PLEKHH2: variants seen among roughly 807,000 people sequenced by gnomAD.
The protein encoded by PLEKHH2 is pleckstrin homology domain-containing family H member 2.
In PLEKHH2, 129 loss-of-function variants were observed where a neutral mutation model predicts 187.9. That is an observed-to-expected ratio of 0.69 (90% confidence interval 0.59 to 0.79). PLEKHH2 has a LOEUF of 0.79. Ranked by LOEUF, PLEKHH2 falls within the 30% of genes least tolerant of loss-of-function variation. The probability of loss-of-function intolerance (pLI) is 0.00; values close to 1 mark genes in which losing one functional copy is unlikely to be tolerated. For missense variants in PLEKHH2, 2,076 were observed against 1,751.2 expected, an observed-to-expected ratio of 1.19 and a Z score of -3.31; for synonymous variants, 686 against 605.6, an observed-to-expected ratio of 1.13 and a Z score of -1.95.
chr2:43,710,168 T>A (rs765685662), intron 12 of PLEKHH2, 42 bp downstream of exon 12: 4 of 1,611,342 alleles, frequency 2.5e-6, no homozygotes, highest in Non-Finnish European at 1.7e-6. Flanking sequence ...TCAGTCAGAT[T>A]GAGCCTCCAA....
chr2:43,747,691 T>C (rs1458689531), intron 24 of PLEKHH2, among the ~76,000 whole-genome samples: 1 of 152,162 alleles, frequency 6.6e-6, no homozygotes, highest in Non-Finnish European at 1.5e-5. Context: ...TATAACAAAA[T>C]AATGGTATTT....
At chr2:43,675,441 C>T (rs1667699060) in intron 2 of PLEKHH2, 1 of 1,611,828 alleles carries the variant, frequency 6.2e-7, no homozygotes, top group African/African-American at 1.3e-5. Context: ...GTCCAAATGC[C>T]CTGAGCCGGT....
chr2:43,704,091 C>G (rs1243859208), intron 9 of PLEKHH2, 35 bp downstream of exon 9: 1 of 1,423,998 alleles, frequency 7.0e-7, no homozygotes. Context: ...CTGGATGAAC[C>G]TTGAGGACTT....
chr2:43,679,103 T>G (rs1051051142), intron 3 of PLEKHH2, among the ~76,000 whole-genome samples, 178 bp downstream of exon 3: 1 of 152,136 alleles, frequency 6.6e-6, no homozygotes, highest in Non-Finnish European at 1.5e-5. Context: ...TAACAAATTT[T>G]CAAAAGGAAA....
At chr2:43,659,670 T>C (rs1203753874) in intron 2 of PLEKHH2, among the ~76,000 whole-genome samples, 1 of 151,912 alleles carries the variant, frequency 6.6e-6, no homozygotes, top group Non-Finnish European at 1.5e-5. Flanking sequence ...GTGATTCTCC[T>C]GCTTTAGCCT....
At chr2:43,674,975 A>T (rs1572527164) in intron 2 of PLEKHH2, among the ~76,000 whole-genome samples, 1 of 145,206 alleles carries the variant, frequency 6.9e-6, no homozygotes, top group Admixed American at 7.0e-5. Flanking sequence ...ACAAAGCAAG[A>T]CTCCATTTCA....
intron 24 of PLEKHH2, among the ~76,000 whole-genome samples, chr2:43,747,481 T>C (rs967639777): frequency 6.6e-6 from 1 of 152,224 alleles, no homozygotes; most frequent in African/African-American, 2.4e-5. Context: ...AGATGGAGGC[T>C]GCTTAGCTTG....
chr2:43,711,835 A>G (rs1440547978), intron 14 of PLEKHH2: 2 of 612,934 alleles, frequency 3.3e-6, no homozygotes, highest in Admixed American at 6.0e-5. Context: ...CGGAGCTTGC[A>G]GTGAGCCAAG....
At chr2:43,691,605 C>T (rs1461338538) in intron 3 of PLEKHH2, among the ~76,000 whole-genome samples, 2 of 152,210 alleles carry the variant, frequency 1.3e-5, no homozygotes, top group Non-Finnish European at 2.9e-5. Context: ...TCACCAGGGA[C>T]CTGCCCCATC....
Position 43,641,902 on chromosome 2 carries a change from G to C in PLEKHH2, c.-3-2769G>C, listed in dbSNP as rs542006875. On this transcript the variant is annotated intron_variant, in intron 1 of 29. Transcript: ENST00000282406. ...AAGCTACTGTATAGCTTTGTAGTAA[G>C]TTTAGAAATAGTAACATGTGAGTCC... Among the ~76,000 whole-genome samples, 3 of 152,282 alleles carry C rather than the reference G, an allele frequency of 2.0e-5. No individual in the cohort carries two copies. The South Asian group carries it at 6.2e-4, about 32-fold the overall frequency.
intron 16 of PLEKHH2, among the ~76,000 whole-genome samples, chr2:43,722,255 CAAA>C (rs5830768): frequency 1.2e-3 from 145 of 123,564 alleles, no homozygotes; most frequent in South Asian, 1.6e-3. Context: ...GACCCTATCT[CAAA>C]AAAAAAAAAA....
At chr2:43,682,061 GC>G (rs1195898449) in intron 3 of PLEKHH2, among the ~76,000 whole-genome samples, 3 of 151,914 alleles carry the variant, frequency 2.0e-5, no homozygotes, top group South Asian at 2.1e-4. Context: ...CACTTCCCCT[GC>G]CCCCCTCACA....
rs759093527 is a variant in PLEKHH2 at position 43,720,658 on chromosome 2, T to A, written c.2461-11T>A. The stretch of plus-strand genomic sequence containing the variant: ...GGGCTAAACTTGTAATTCATTGAAA[T>A]ATGGTTTCAGGTAAAACATGGATAT... On this transcript the variant is annotated splice_polypyrimidine_tract_variant and intron_variant, in intron 15 of 29. Coordinates refer to ENST00000282406, the MANE Select transcript of PLEKHH2 (RefSeq NM_172069.4). 3 of 1,607,094 alleles carry A rather than the reference T, an allele frequency of 1.9e-6. No homozygotes were observed. In the South Asian group the frequency reaches 3.4e-5, roughly 18 times the overall value.
intron 20 of PLEKHH2, among the ~76,000 whole-genome samples, chr2:43,738,960 C>T (rs759044441): frequency 3.9e-5 from 6 of 152,124 alleles, no homozygotes; most frequent in African/African-American, 9.7e-5. Flanking sequence ...GGCACAATGT[C>T]GGCTCACTGG....
chr2:43,657,533 C>A (rs964820980), intron 2 of PLEKHH2, among the ~76,000 whole-genome samples: 5 of 152,216 alleles, frequency 3.3e-5, no homozygotes, highest in African/African-American at 7.2e-5. Context: ...TTCTAACAAC[C>A]AAAGCCCATC....
chr2:43,641,964 C>T (rs895801848), intron 1 of PLEKHH2, among the ~76,000 whole-genome samples: 5 of 152,106 alleles, frequency 3.3e-5, no homozygotes, highest in African/African-American at 1.2e-4. Context: ...ATTCTTCAGC[C>T]CTTGAATTTC....
rs976843379 is a variant in PLEKHH2, at chr2:43,650,056, A to G, written c.123+5260A>G. 2.7e-5 allele frequency among the ~76,000 whole-genome samples: 4 copies of G among 150,910 alleles called. 1 individual carries two copies. The South Asian group carries it at 8.4e-4, about 32-fold the overall frequency. On this transcript the variant is annotated intron_variant, in intron 2 of 29. Transcript: ENST00000282406. ...TTAGAATTTGCTGCTTCATTTTGTT[A>G]TTACATAATTGGCCTGTTCATAAAA... is the stretch of plus-strand genomic sequence containing the variant.
chr2:43,692,715 AAT>A, intron 4 of PLEKHH2, 52 bp downstream of exon 4: 1 of 1,536,980 alleles, frequency 6.5e-7, no homozygotes, highest in Non-Finnish European at 8.8e-7. Context: ...ATTTGTGCAT[AAT>A]CACAAAGATT....
At chr2:43,701,784 T>TG (rs1558520284) in intron 8 of PLEKHH2, among the ~76,000 whole-genome samples, 1 of 150,984 alleles carries the variant, frequency 6.6e-6, no homozygotes, top group Non-Finnish European at 1.5e-5. Context: ...TTTTTTTTTT[T>TG]GAGATGAAGT....
Sources: allele counts gnomAD v4.1 joint callset (sites outside exome capture counted in the v4.1 genomes callset), GRCh38; gene constraint gnomAD v4.1.1; transcripts MANE v1.5; gene names NCBI Gene and HGNC (gene_info 2026-07-23, HGNC 2026-07-21).